The following MACROD2 variants were observed in gnomAD, a reference collection of about 807,000 sequenced individuals.
MACROD2 encodes mono-ADP ribosylhydrolase 2.
In MACROD2, 36 loss-of-function variants were observed where a neutral mutation model predicts 70.4. That is an observed-to-expected ratio of 0.51 (90% CI 0.39 to 0.68). MACROD2 has a LOEUF of 0.68. Ranked by LOEUF, MACROD2 falls within the 30% of genes least tolerant of loss-of-function variation. The pLI is 0.00. For missense variants in MACROD2, 496 were observed against 538.4 expected (o/e 0.92, Z 0.78); for synonymous variants, 172 against 178.8 (o/e 0.96, Z 0.30).
intron 5 of MACROD2, among the ~76,000 whole-genome samples, chr20:15,108,851 A>G (rs556109220): frequency 6.6e-6 from 1 of 152,160 alleles, no homozygotes; most frequent in African/African-American, 2.4e-5. Flanking sequence ...AGAGGAGGAA[A>G]GTGAGGGTCA....
At chr20:14,765,290 T>C (rs2072071882) in intron 5 of MACROD2, among the ~76,000 whole-genome samples, 1 of 151,950 alleles carries the variant, frequency 6.6e-6, no homozygotes, top group African/African-American at 2.4e-5. Context: ...CACACAGGAG[T>C]TGGCAGAAAT....
chr20:15,337,956 C>T (rs972857458), intron 6 of MACROD2, among the ~76,000 whole-genome samples: 1 of 151,734 alleles, frequency 6.6e-6, no homozygotes, highest in African/African-American at 2.4e-5. Flanking sequence ...GTTTTGTTTA[C>T]ATTTCACGTT....
intron 6 of MACROD2, among the ~76,000 whole-genome samples, chr20:15,349,929 T>TC (rs2078209607): frequency 6.6e-6 from 1 of 152,098 alleles, no homozygotes; most frequent in Admixed American, 6.5e-5. Context: ...CAGTGTCCAT[T>TC]CCCCTGCAGC....
At chr20:14,979,181 A>C (rs1029756285) in intron 5 of MACROD2, among the ~76,000 whole-genome samples, 1 of 151,420 alleles carries the variant, frequency 6.6e-6, no homozygotes, top group African/African-American at 2.4e-5. Context: ...GCTAGTCTCA[A>C]ATTCCTAGCC....
intron 5 of MACROD2, among the ~76,000 whole-genome samples, chr20:14,912,319 A>G (rs989759175): frequency 6.6e-6 from 1 of 152,236 alleles, no homozygotes; most frequent in African/African-American, 2.4e-5. Context: ...ATTATATCAT[A>G]TAACAAATGC....
chr20:14,853,115 G>A (rs1294770129), intron 5 of MACROD2, among the ~76,000 whole-genome samples: 1 of 151,158 alleles, frequency 6.6e-6, no homozygotes, highest in African/African-American at 2.4e-5. Context: ...TTAATAGGAA[G>A]CAGCTTCACT....
chr20:14,702,590 T>C (rs62202946), intron 5 of MACROD2, among the ~76,000 whole-genome samples: 4,499 of 8,130 alleles, frequency 0.55, 799 homozygotes, highest in East Asian at 0.61. Context: ...TATATATGTA[T>C]ATATATGTGT....
chr20:14,853,173 CTGTG>C lies in MACROD2; in HGVS notation c.418+168238_418+168241del, dbSNP rs147348353. ...GTGTGAACAGTGTGTGTGTGTGTGT[CTGTG>C]TGTGTGTGTGTGTGTGTGTGTGTAT... On this transcript the variant is annotated intron_variant, in intron 5 of 17. Coordinates refer to ENST00000684519, the MANE Select transcript of MACROD2 (RefSeq NM_001351661.2). 3.2e-3 allele frequency among the ~76,000 whole-genome samples: 472 copies of C among 149,314 alleles called. 3 individuals carry two copies. The highest frequency in any genetic ancestry group is 9.7e-3 in the African/African-American group (393 of 40,430).
At chr20:14,996,332 T>C (rs1350747176) in intron 5 of MACROD2, among the ~76,000 whole-genome samples, 1 of 152,134 alleles carries the variant, frequency 6.6e-6, no homozygotes, top group East Asian at 1.9e-4. Context: ...CACTGAAGCC[T>C]ACCTCCAGGA....
At chr20:14,419,339 C>G (rs758494459) in intron 3 of MACROD2, among the ~76,000 whole-genome samples, 33 of 152,304 alleles carry the variant, frequency 2.2e-4, no homozygotes, top group Non-Finnish European at 4.3e-4. Flanking sequence ...CAGGCGTGAT[C>G]CACTATGCCC....
chr20:14,066,898 G>A (rs2053766459), intron 2 of MACROD2, among the ~76,000 whole-genome samples: 2 of 140,008 alleles, frequency 1.4e-5, no homozygotes, highest in Non-Finnish European at 1.5e-5. Context: ...TGCAAGCTCT[G>A]CCTCCTGGGT....
At chr20:14,034,252 G>A (rs1201236919) in intron 2 of MACROD2, among the ~76,000 whole-genome samples, 1 of 152,170 alleles carries the variant, frequency 6.6e-6, no homozygotes, top group Non-Finnish European at 1.5e-5. Flanking sequence ...GGGATTACAG[G>A]CGTGAGCCAC....
chr20:15,443,492 T>G (rs2046523116), intron 7 of MACROD2, among the ~76,000 whole-genome samples: 1 of 152,148 alleles, frequency 6.6e-6, no homozygotes, highest in Admixed American at 6.6e-5. Flanking sequence ...AAAATCGACA[T>G]GAAATTGCCT....
At chr20:15,499,892 T>C (rs779516887) in intron 8 of MACROD2, 45 bp downstream of exon 8, 2 of 1,581,912 alleles carry the variant, frequency 1.3e-6, no homozygotes, top group South Asian at 1.1e-5. Flanking sequence ...ATGATGTAAT[T>C]TGATGCTCAG....
intron 8 of MACROD2, among the ~76,000 whole-genome samples, chr20:15,606,620 G>C (rs1296372999): frequency 6.6e-6 from 1 of 152,210 alleles, no homozygotes; most frequent in Non-Finnish European, 1.5e-5. Context: ...CTATCATGAA[G>C]CTACAAGTAT....
At position 15,104,159 on chromosome 20, in the gene MACROD2, G is replaced by C. The variant is rs367930344; in HGVS notation, c.419-125781G>C. 2.6e-5 allele frequency among the ~76,000 whole-genome samples: 4 copies of C among 152,230 alleles called. No individual in the cohort carries two copies. The East Asian group carries it at 5.8e-4, about 22-fold the overall frequency. On this transcript the variant is annotated intron_variant, in intron 5 of 17. Transcript: ENST00000684519. Reference sequence around the variant, plus strand: ...GAGCCCAGAGTAGCAGATGTGACAAGGTTTGATTTCAATAAAGTGGCTCTT... The same window carrying C: ...GAGCCCAGAGTAGCAGATGTGACAACGTTTGATTTCAATAAAGTGGCTCTT...
At chr20:15,833,533 C>T (rs1267124643) in intron 8 of MACROD2, among the ~76,000 whole-genome samples, 1 of 152,086 alleles carries the variant, frequency 6.6e-6, no homozygotes, top group Non-Finnish European at 1.5e-5. Context: ...CCTGTATTGG[C>T]TTTAATTGTT....
chr20:15,368,644 G>A (rs977798038), intron 6 of MACROD2, among the ~76,000 whole-genome samples: 7 of 152,000 alleles, frequency 4.6e-5, no homozygotes, highest in South Asian at 2.1e-4. Flanking sequence ...TGTATTTTTA[G>A]TAGAGACAGG....
At chr20:15,631,708 G>T (rs1422921120) in intron 8 of MACROD2, among the ~76,000 whole-genome samples, 1 of 152,194 alleles carries the variant, frequency 6.6e-6, no homozygotes, top group Non-Finnish European at 1.5e-5. Flanking sequence ...GGCTGGAAAA[G>T]GCTGTAGAGC....
Sources: gnomAD v4.1 joint callset for allele counts (sites outside exome capture counted in the v4.1 genomes callset) on GRCh38, gnomAD v4.1.1 for gene constraint, MANE v1.5 for transcripts, NCBI Gene and HGNC (gene_info 2026-07-23, HGNC 2026-07-21) for gene names.